GRAMD1B: variants seen among roughly 807,000 people sequenced by gnomAD.
The protein encoded by GRAMD1B is GRAM domain containing 1B.
Under a neutral mutation model 99.7 loss-of-function variants are expected in GRAMD1B, and 37 were observed. That is an observed-to-expected ratio of 0.37 (90% confidence interval 0.29 to 0.49). GRAMD1B has a LOEUF of 0.49. Among genes scored for constraint, GRAMD1B ranks in the 20% least tolerant of loss-of-function variants. The pLI, the probability that GRAMD1B is intolerant of heterozygous loss-of-function variation, is 0.98. For synonymous variants in GRAMD1B, 427 were observed against 387.6 expected, an observed-to-expected ratio of 1.10 and a Z score of -1.19; for missense variants, 888 against 1,009.2, an observed-to-expected ratio of 0.88 and a Z score of 1.63.
At chr11:123,470,248 A>C (rs555051448) in intron 1 of GRAMD1B, among the ~76,000 whole-genome samples, 4 of 152,258 alleles carry the variant, frequency 2.6e-5, no homozygotes, top group African/African-American at 9.6e-5. Context: ...TATTATCTCC[A>C]TATTATCTCC....
chr11:123,482,857 G>C (rs144561210), intron 2 of GRAMD1B, among the ~76,000 whole-genome samples: 1 of 152,012 alleles, frequency 6.6e-6, no homozygotes, highest in Non-Finnish European at 1.5e-5. Context: ...CCAGGAGTTC[G>C]AGACCAGCCT....
intron 2 of GRAMD1B, 126 bp from the exon 3 acceptor site, chr11:123,577,241 C>G: frequency 1.2e-6 from 1 of 802,766 alleles, no homozygotes; most frequent in Non-Finnish European, 2.1e-6. Flanking sequence ...CCGGTTTCTC[C>G]CCAGCCCCTC....
At chr11:123,372,046 A>T (rs2135737348) in intron 1 of GRAMD1B, among the ~76,000 whole-genome samples, 1 of 152,310 alleles carries the variant, frequency 6.6e-6, no homozygotes, top group East Asian at 1.9e-4. Context: ...TGTTGCTTTG[A>T]TTACAGAGCA....
rs1436184576 is a variant in GRAMD1B, at chr11:123,624,620, C to G, written c.*2025C>G. ...TGGTAGGGATCAAGGCTCATGGGCT[C>G]TGAGCCAAAGAAGGAGGCATGGTGC... is the stretch of plus-strand genomic sequence containing the variant. On this transcript the variant is annotated 3_prime_UTR_variant, in exon 20 of 20. Transcript: ENST00000635736. 6.6e-6 allele frequency: 1 copy of G among 152,222 alleles called. No individual in the cohort carries two copies. The highest frequency in any genetic ancestry group is 2.4e-5 in the African/African-American group (1 of 41,462). The allele number at this position is 152,222 out of a possible 1,614,324, so 9.4% of individuals were successfully genotyped here.
intron 2 of GRAMD1B, among the ~76,000 whole-genome samples, chr11:123,556,073 C>T (rs1398599265): frequency 6.6e-6 from 1 of 152,216 alleles, no homozygotes; most frequent in African/African-American, 2.4e-5. Flanking sequence ...CATAAAAGCA[C>T]CCCTGTGCCT....
intron 2 of GRAMD1B, among the ~76,000 whole-genome samples, chr11:123,544,833 G>T (rs1422235223): frequency 3.3e-5 from 5 of 152,276 alleles, no homozygotes; most frequent in Non-Finnish European, 2.9e-5. Flanking sequence ...TGACCTTTGT[G>T]TAGAGAGGAC....
chr11:123,421,190 G>C (rs1565487930), intron 1 of GRAMD1B, among the ~76,000 whole-genome samples: 1 of 152,154 alleles, frequency 6.6e-6, no homozygotes, highest in Non-Finnish European at 1.5e-5. Flanking sequence ...CTCCCCAAAT[G>C]CCAGTAACCA....
chr11:123,610,346 G>A lies in GRAMD1B; in HGVS notation c.1919+8G>A, dbSNP rs1401458836. The stretch of plus-strand genomic sequence containing the variant: ...GAACAAGAGCCGACTCAGGTGTGGT[G>A]TGTGGAAGTCCCAGTGCGGTCAGAC... On this transcript the variant is annotated splice_region_variant and intron_variant, in intron 14 of 19. Coordinates refer to ENST00000635736, the MANE Select transcript of GRAMD1B (RefSeq NM_001387025.1). This position sits in a 1 kb window ranked among gnomAD's most constrained non-coding sequence, Gnocchi z 4.1. 6 of 1,613,708 alleles carry A rather than the reference G, an allele frequency of 3.7e-6. No homozygotes were observed. Among genetic ancestry groups the A allele is most frequent in the Admixed American group, 1.7e-5 (1 of 59,998 alleles).
In GRAMD1B at chr11:123,430,648, C is replaced by T; in HGVS notation, c.-145C>T. ...GCCGCGTCCCCTCGCGTCCCTTCCTCGCTGCGCTCCGGGAAAGGAACTTGT... is the reference window on the plus strand; with the variant it reads ...GCCGCGTCCCCTCGCGTCCCTTCCTTGCTGCGCTCCGGGAAAGGAACTTGT... On this transcript the variant is annotated 5_prime_UTR_variant, in exon 1 of 20. Transcript: ENST00000635736. 5.9e-6 allele frequency: 3 copies of T among 510,112 alleles called. No homozygotes were observed. The highest frequency in any genetic ancestry group is 1.0e-5 in the Non-Finnish European group (3 of 291,508). 31.6% of individuals were successfully genotyped at this position (510,112 alleles called of 1,614,324 possible). A position where few individuals can be genotyped will look rare whatever the true frequency, so the allele number is the denominator to read the frequency against.
At chr11:123,458,691 G>GT (rs60443148) in intron 1 of GRAMD1B, 66 of 132,394 alleles carry the variant, frequency 5.0e-4, no homozygotes, top group Non-Finnish European at 5.9e-4. Context: ...AGGCTGTTTT[G>GT]TTTTTTTTTT....
Position 123,577,460 on chromosome 11 carries a change from C to T in GRAMD1B, c.546C>T (p.Asp182=), listed in dbSNP as rs1275059242. The T allele has an allele frequency of 1.9e-6, 3 of 1,604,776 alleles. No homozygotes were observed. Among genetic ancestry groups the T allele is most frequent in the South Asian group, 2.2e-5 (2 of 89,000 alleles). Residue 182 remains aspartate (D), a synonymous_variant, in exon 3 of 20, where the codon GAC becomes GAT. Transcript: ENST00000635736. Reference sequence around the variant, plus strand: ...CAACCCCGCAGAACCAGGACGGAGACACCATGGTGGAGAAGGGCTCAGATC... The same window carrying T: ...CAACCCCGCAGAACCAGGACGGAGATACCATGGTGGAGAAGGGCTCAGATC... ...RSPTPQNQDG[D]TMVEKGSDHS...
intron 2 of GRAMD1B, among the ~76,000 whole-genome samples, chr11:123,566,411 C>A (rs1050149593): frequency 2.0e-5 from 3 of 152,088 alleles, no homozygotes; most frequent in African/African-American, 7.2e-5. Context: ...AGATTTGGGG[C>A]CAGCTTTAGA....
intron 8 of GRAMD1B, 76 bp downstream of exon 8, chr11:123,600,624 G>C (rs1382712801): frequency 1.8e-5 from 16 of 878,788 alleles, no homozygotes; most frequent in Non-Finnish European, 5.6e-6. Context: ...AGGGTTCTGG[G>C]AATCCCCCAC....
Position 123,622,655 on chromosome 11 carries a change from AAT to A in GRAMD1B, c.*72_*73del, listed in dbSNP as rs1011204640. ...GCAATACATGTACATAGACCATATA[AAT>A]ATATATATATAAATATATATATATA... On this transcript the variant is annotated 3_prime_UTR_variant, in exon 20 of 20. Transcript: ENST00000635736. 260 of 426,144 alleles carry A rather than the reference AAT, an allele frequency of 6.1e-4. No individual in the cohort carries two copies. Among genetic ancestry groups the A allele is most frequent in the East Asian group, 1.1e-3 (26 of 23,294 alleles). 26.4% of individuals were successfully genotyped at this position (426,144 alleles called of 1,614,324 possible).
chr11:123,501,801 G>T (rs1939892912), intron 2 of GRAMD1B, among the ~76,000 whole-genome samples: 1 of 152,184 alleles, frequency 6.6e-6, no homozygotes, highest in Non-Finnish European at 1.5e-5. Flanking sequence ...CATGTTTCTT[G>T]TGTCTTACTG....
intron 1 of GRAMD1B, among the ~76,000 whole-genome samples, chr11:123,389,841 G>A (rs1947209531): frequency 6.6e-6 from 1 of 152,052 alleles, no homozygotes; most frequent in African/African-American, 2.4e-5. Flanking sequence ...TGCCTCCTGG[G>A]TTCAAGCGAT....
At position 123,434,187 on chromosome 11, in the gene GRAMD1B, G is replaced by A. The variant is rs1468738114; in HGVS notation, c.374+3021G>A. Among the ~76,000 whole-genome samples the A allele has an allele frequency of 1.1e-3, 144 of 125,412 alleles. 2 individuals are homozygous for A. Among genetic ancestry groups the A allele is most frequent in the Non-Finnish European group, 2.7e-4 (17 of 64,008 alleles). 82.3% of individuals were successfully genotyped at this position (125,412 alleles called of 152,430 possible). On this transcript the variant is annotated intron_variant, in intron 1 of 19. Coordinates refer to ENST00000635736, the MANE Select transcript of GRAMD1B (RefSeq NM_001387025.1). ...GGAGGTTGCAGTGAGCCGAGATCTC[G>A]CCACTGCACTCCAGCCTGGGCAACA...
intron 2 of GRAMD1B, among the ~76,000 whole-genome samples, chr11:123,509,195 C>A (rs1238937799): frequency 6.6e-6 from 1 of 151,994 alleles, no homozygotes; most frequent in East Asian, 1.9e-4. Context: ...TTGTTTTGAC[C>A]CTTTGGCTTT....
intron 17 of GRAMD1B, among the ~76,000 whole-genome samples, chr11:123,617,765 T>C (rs1398607895): frequency 1.3e-5 from 2 of 152,172 alleles, no homozygotes; most frequent in Non-Finnish European, 2.9e-5. Flanking sequence ...CATGATGATG[T>C]CTTCATCTCT....
Sources: allele counts gnomAD v4.1 joint callset (sites outside exome capture counted in the v4.1 genomes callset), GRCh38; gene constraint gnomAD v4.1.1; non-coding constraint Gnocchi (gnomAD v3.1); transcripts MANE v1.5; gene names NCBI Gene and HGNC (gene_info 2026-07-23, HGNC 2026-07-21).